MRO: variants seen among roughly 807,000 people sequenced by gnomAD.
MRO encodes the protein maestro.
In MRO, 28 loss-of-function variants were observed where a neutral mutation model predicts 31.0. The ratio of observed to expected loss-of-function variants is 0.90; its 90% confidence interval spans 0.67 to 1.24. The LOEUF is 1.24. Ranked by LOEUF, MRO falls within the 50% of genes most tolerant of loss-of-function variation. The probability of loss-of-function intolerance (pLI) is 0.00; values close to 1 mark genes in which losing one functional copy is unlikely to be tolerated. For missense variants in MRO, 332 were observed against 289.2 expected (o/e 1.15, Z -1.07); for synonymous variants, 108 against 108.4 (o/e 1.00, Z 0.02).
rs769227255 is a variant in MRO, at chr18:50,809,404, A to G, written c.-4T>C. 1 of 1,608,494 alleles carries G rather than the reference A, an allele frequency of 6.2e-7. No homozygotes were observed. Among genetic ancestry groups the G allele is most frequent in the Non-Finnish European group, 8.5e-7 (1 of 1,176,126 alleles). On this transcript the variant is annotated splice_region_variant and 5_prime_UTR_variant, in exon 3 of 8. Transcript: ENST00000398439. The stretch of plus-strand genomic sequence containing the variant: ...TTCTCCTCTGTCTTTGGTCCATGGA[A>G]CTAAAAACAAAACAAAACAAAATCA...
At chr18:50,804,562 G>C (rs112893969) in intron 5 of MRO, among the ~76,000 whole-genome samples, 73 of 151,628 alleles carry the variant, frequency 4.8e-4, no homozygotes, top group African/African-American at 1.6e-3. Context: ...GAAGGTGGAG[G>C]TTGCAGTGAG....
At position 50,798,325 on chromosome 18, in the gene MRO, C is replaced by G. The variant is rs1041774479; in HGVS notation, c.*1012G>C. The stretch of plus-strand genomic sequence containing the variant: ...AATTAATAAAAATGTATACTTAGTA[C>G]ATATAAAATCAAAAGTTAACTGGGC... On this transcript the variant is annotated 3_prime_UTR_variant, in exon 8 of 8. Coordinates refer to ENST00000398439, the MANE Select transcript of MRO (RefSeq NM_031939.6). The G allele has an allele frequency of 6.6e-6, 1 of 152,090 alleles. No individual in the cohort carries two copies. Among genetic ancestry groups the G allele is most frequent in the African/African-American group, 2.4e-5 (1 of 41,402 alleles). 9.4% of individuals were successfully genotyped at this position (152,090 alleles called of 1,614,324 possible). A position where few individuals can be genotyped will look rare whatever the true frequency, so the allele number is the denominator to read the frequency against.
rs1912996363 is a variant in MRO, at chr18:50,798,692, G to GT, written c.*644dup. ...CGGTGTTACCTACTATTGTTATCCCGTAAGTTATCATGAGCCTGAGGATTT... is the reference window on the plus strand; with the variant it reads ...CGGTGTTACCTACTATTGTTATCCCGTTAAGTTATCATGAGCCTGAGGATTT... On this transcript the variant is annotated 3_prime_UTR_variant, in exon 8 of 8. Transcript: ENST00000398439. 1 of 152,172 alleles carries GT rather than the reference G, an allele frequency of 6.6e-6. No individual in the cohort carries two copies. The highest frequency in any genetic ancestry group is 1.5e-5 in the Non-Finnish European group (1 of 68,060). The allele number at this position is 152,172 out of a possible 1,614,324, so 9.4% of individuals were successfully genotyped here. A position where few individuals can be genotyped will look rare whatever the true frequency, so the allele number is the denominator to read the frequency against.
chr18:50,802,714 TTTTTTGTTTTTG>T (rs61341717), intron 5 of MRO, among the ~76,000 whole-genome samples: 3 of 151,904 alleles, frequency 2.0e-5, no homozygotes, highest in East Asian at 1.9e-4. Context: ...GTTTTTGTTT[TTTTTTGTTTTTG>T]TTTTTGTTTT....
chr18:50,819,532 A>G (rs1387038171), intron 2 of MRO, 49 bp downstream of exon 2: 1 of 1,548,358 alleles, frequency 6.5e-7, no homozygotes, highest in South Asian at 1.2e-5. Flanking sequence ...AAGTGCAGCC[A>G]GGACGCCTCC....
chr18:50,798,824 G>T lies in MRO; in HGVS notation c.*513C>A, dbSNP rs9961744. On this transcript the variant is annotated 3_prime_UTR_variant, in exon 8 of 8. Transcript: ENST00000398439. ...TGAGAAGCCAAAGATGCCCCTGCAA[G>T]CCACCTTCTTGGTATCTTGGCCAAC... 0.061 allele frequency: 9,336 copies of T among 151,964 alleles called. 632 individuals are homozygous for T. Among genetic ancestry groups the T allele is most frequent in the African/African-American group, 0.16 (6,582 of 41,330 alleles). 9.4% of individuals were successfully genotyped at this position (151,964 alleles called of 1,614,324 possible).
upstream of MRO, among the ~76,000 whole-genome samples, chr18:50,822,707 G>A (rs907363495): frequency 2.5e-5 from 1 of 40,742 alleles, no homozygotes; most frequent in African/African-American, 8.7e-5. Context: ...CCCGCCCCCC[G>A]CCCCCCAGCT....
At chr18:50,823,534 C>T (rs1171069492), upstream of MRO, 10 of 152,190 alleles carry the variant, frequency 6.6e-5, no homozygotes, top group East Asian at 1.9e-3. Context: ...AGAAAAAATT[C>T]AAGCTCTTTC....
rs1350907495 is a variant in MRO at position 50,799,677 on chromosome 18, G to A, written c.694-287C>T. On this transcript the variant is annotated intron_variant, in intron 7 of 7. Transcript: ENST00000398439. ...TGTAATCCCAGTACTTTGGGAGGCT[G>A]AGGCAGGCAGATCACTTGAGATCAG... Among the ~76,000 whole-genome samples, 5 of 152,184 alleles carry A rather than the reference G, an allele frequency of 3.3e-5. No individual in the cohort carries two copies. The East Asian group carries it at 5.8e-4, about 18-fold the overall frequency.
rs375465293 is a variant in MRO at position 50,800,934 on chromosome 18, A to AGAAG, written c.585+411_585+414dup. Among the ~76,000 whole-genome samples, 534 of 151,860 alleles carry AGAAG rather than the reference A, an allele frequency of 3.5e-3. 4 individuals carry two copies. The highest frequency in any genetic ancestry group is 0.012 in the African/African-American group (494 of 41,404). On this transcript the variant is annotated intron_variant, in intron 6 of 7. Transcript: ENST00000398439. ...ACGAAGGAAGAAAGGAAGGAAGGAA[A>AGAAG]GAAGGAAGGAAGGAAAGAAAAGAGA...
rs1160514903 is a variant in MRO at position 50,819,604 on chromosome 18, C to T, written c.-28G>A. The T allele has an allele frequency of 6.4e-7, 1 of 1,551,642 alleles. No homozygotes were observed. The highest frequency in any genetic ancestry group is 1.2e-5 in the South Asian group (1 of 84,058). On this transcript the variant is annotated 5_prime_UTR_variant, in exon 2 of 8. Transcript: ENST00000398439. Reference sequence around the variant, plus strand: ...ACCTGCGGCTCCTGCAGGCGGCTGCCACGTGATGAACCGGAGCCCGTTCCT... The same window carrying T: ...ACCTGCGGCTCCTGCAGGCGGCTGCTACGTGATGAACCGGAGCCCGTTCCT...
intron 5 of MRO, among the ~76,000 whole-genome samples, chr18:50,804,019 A>ACATCT (rs1913673317): frequency 6.6e-6 from 1 of 151,244 alleles, no homozygotes; most frequent in African/African-American, 2.4e-5. Flanking sequence ...CTGGTAGTTG[A>ACATCT]GTGTAGCCCT....
rs1434760014 is a variant in MRO at position 50,809,411 on chromosome 18, A to C, written c.-4-7T>G. On this transcript the variant is annotated splice_polypyrimidine_tract_variant and splice_region_variant and intron_variant, in intron 2 of 7. Transcript: ENST00000398439. Reference sequence around the variant, plus strand: ...CTGTCTTTGGTCCATGGAACTAAAAACAAAACAAAACAAAATCACATGCGC... The same window carrying C: ...CTGTCTTTGGTCCATGGAACTAAAACCAAAACAAAACAAAATCACATGCGC... The C allele has an allele frequency of 6.4e-7, 1 of 1,573,092 alleles. No homozygotes were observed. Among genetic ancestry groups the C allele is most frequent in the East Asian group, 2.2e-5 (1 of 44,566 alleles).
At chr18:50,814,194 G>A (rs893877230) in intron 2 of MRO, among the ~76,000 whole-genome samples, 1 of 151,876 alleles carries the variant, frequency 6.6e-6, no homozygotes, top group East Asian at 1.9e-4. Flanking sequence ...TGAACGAGGG[G>A]TTGAACACAA....
Position 50,805,185 on chromosome 18 carries a change from A to G in MRO, c.398T>C (p.Ile133Thr), listed in dbSNP as rs367789469. The G allele has an allele frequency of 3.4e-5, 55 of 1,613,500 alleles. No homozygotes were observed. The highest frequency in any genetic ancestry group is 4.6e-5 in the Non-Finnish European group (54 of 1,179,504). The change falls in exon 5 of 8, where the codon ATC becomes ACC. Residue 133 changes from isoleucine (I) to threonine (T), a missense_variant. Ile to Thr is a moderately conservative substitution (Grantham distance 89). Transcript: ENST00000398439. ...GKGLGSFFID[I>T]TLQTRTLLDD... ...TAATAAAGTCCTGGTCTGAAGGGTG[A>G]TATCTATGAAGAAGGAACCCAAACC... is the stretch of plus-strand genomic sequence containing the variant.
At chr18:50,800,884 C>CAAAA (rs11295212) in intron 6 of MRO, among the ~76,000 whole-genome samples, 1 of 105,416 alleles carries the variant, frequency 9.5e-6, no homozygotes. Context: ...AAAACTGTCT[C>CAAAA]AAAAAAAAAA....
chr18:50,802,420 A>G (rs1913428959), intron 5 of MRO, among the ~76,000 whole-genome samples: 1 of 152,212 alleles, frequency 6.6e-6, no homozygotes. Context: ...CCAAGGCCCA[A>G]GGCACTTAAG....
At position 50,798,816 on chromosome 18, in the gene MRO, C is replaced by T. The variant is rs1913005648; in HGVS notation, c.*521G>A. 2 of 151,908 alleles carry T rather than the reference C, an allele frequency of 1.3e-5. No individual in the cohort carries two copies. Among genetic ancestry groups the T allele is most frequent in the African/African-American group, 2.4e-5 (1 of 41,304 alleles). 9.4% of individuals were successfully genotyped at this position (151,908 alleles called of 1,614,324 possible). A position where few individuals can be genotyped will look rare whatever the true frequency, so the allele number is the denominator to read the frequency against. On this transcript the variant is annotated 3_prime_UTR_variant, in exon 8 of 8. Coordinates refer to ENST00000398439, the MANE Select transcript of MRO (RefSeq NM_031939.6). ...TAAAATTATGAGAAGCCAAAGATGC[C>T]CCTGCAAGCCACCTTCTTGGTATCT...
At chr18:50,802,740 TTTA>T (rs551645757) in intron 5 of MRO, among the ~76,000 whole-genome samples, 1 of 151,876 alleles carries the variant, frequency 6.6e-6, no homozygotes, top group East Asian at 2.0e-4. Context: ...TTGTTTTTGT[TTTA>T]GAGACAACAT....
Sources: allele counts gnomAD v4.1 joint callset (sites outside exome capture counted in the v4.1 genomes callset), GRCh38; gene constraint gnomAD v4.1.1; transcripts MANE v1.5; gene names NCBI Gene and HGNC (gene_info 2026-07-23, HGNC 2026-07-21).